The following NKAIN2 variants were observed in gnomAD, a reference collection of about 807,000 sequenced individuals.
NKAIN2 encodes the protein sodium/potassium-transporting ATPase subunit beta-1-interacting protein 2.
Under a neutral mutation model 32.6 loss-of-function variants are expected in NKAIN2, and 14 were observed. The ratio of observed to expected loss-of-function variants is 0.43; its 90% CI spans 0.28 to 0.67. NKAIN2 has a LOEUF of 0.67. NKAIN2 is among the 30% of genes least tolerant of loss of function. The pLI is 0.17. For synonymous variants in NKAIN2, 80 were observed against 87.2 expected (o/e 0.92, Z 0.46); for missense variants, 198 against 258.3 (o/e 0.77, Z 1.60).
chr6:124,557,630 C>A (rs1780525716), intron 3 of NKAIN2, among the ~76,000 whole-genome samples: 1 of 152,164 alleles, frequency 6.6e-6, no homozygotes, highest in Admixed American at 6.5e-5. Flanking sequence ...CACGTTTTCA[C>A]AGAATTCTGT....
intron 3 of NKAIN2, among the ~76,000 whole-genome samples, chr6:124,438,441 C>T (rs1775552847): frequency 6.6e-6 from 1 of 152,130 alleles, no homozygotes; most frequent in Non-Finnish European, 1.5e-5. Context: ...TTTGTTTATT[C>T]AACCTCTAAC....
intron 3 of NKAIN2, among the ~76,000 whole-genome samples, chr6:124,441,251 G>A (rs1775676025): frequency 6.6e-6 from 1 of 152,044 alleles, no homozygotes; most frequent in Non-Finnish European, 1.5e-5. Flanking sequence ...CTCTAGTTCT[G>A]CAGAGTTTCT....
intron 3 of NKAIN2, among the ~76,000 whole-genome samples, chr6:124,364,250 A>AAAAAAAAAGAGAG (rs3054409): frequency 7.2e-6 from 1 of 139,732 alleles, no homozygotes; most frequent in Non-Finnish European, 1.5e-5. Context: ...AAAAAAAAAA[A>AAAAAAAAAGAGAG]AGAGAGAAAA....
At chr6:124,457,609 C>T (rs1436665484) in intron 3 of NKAIN2, among the ~76,000 whole-genome samples, 5 of 151,900 alleles carry the variant, frequency 3.3e-5, no homozygotes, top group East Asian at 3.9e-4. Context: ...TTCTGGGAAC[C>T]GCATATGTTC....
chr6:124,206,931 T>C lies in NKAIN2; in HGVS notation c.55-76074T>C, dbSNP rs570218581. Reference sequence around the variant, plus strand: ...CAAAATACGGGATTAACATCTCATATCTCCTCTCTCCATTAAAAAGTTTAT... The same window carrying C: ...CAAAATACGGGATTAACATCTCATACCTCCTCTCTCCATTAAAAAGTTTAT... On this transcript the variant is annotated intron_variant, in intron 1 of 6. Transcript: ENST00000368417. Among the ~76,000 whole-genome samples the C allele has an allele frequency of 3.6e-4, 55 of 151,756 alleles. 1 individual carries two copies. Among genetic ancestry groups the C allele is most frequent in the African/African-American group, 1.1e-3 (47 of 41,430 alleles).
At chr6:123,851,225 T>C (rs908797935) in intron 1 of NKAIN2, among the ~76,000 whole-genome samples, 4 of 150,370 alleles carry the variant, frequency 2.7e-5, no homozygotes, top group Admixed American at 2.7e-4. Flanking sequence ...GGGGGATTGC[T>C]GGATCATATG....
Position 124,688,370 on chromosome 6 carries a change from C to T in NKAIN2, c.474+29984C>T, listed in dbSNP as rs115725281. ...TTAATAGCAAAATTGAAGAAAGGTA[C>T]AGAGAGTTCCCAAGTACCCCTGCCC... On this transcript the variant is annotated intron_variant, in intron 4 of 6. Transcript: ENST00000368417. 2.1e-3 allele frequency among the ~76,000 whole-genome samples: 320 copies of T among 152,046 alleles called. 2 individuals carry two copies. Among genetic ancestry groups the T allele is most frequent in the Middle Eastern group, 0.01 (3 of 294 alleles).
At chr6:124,278,267 C>G (rs1340871011) in intron 1 of NKAIN2, among the ~76,000 whole-genome samples, 1 of 152,088 alleles carries the variant, frequency 6.6e-6, no homozygotes, top group Non-Finnish European at 1.5e-5. Flanking sequence ...AGACTAAATC[C>G]TCTCCTATGA....
At chr6:124,204,207 G>A (rs1441326931) in intron 1 of NKAIN2, among the ~76,000 whole-genome samples, 1 of 151,806 alleles carries the variant, frequency 6.6e-6, no homozygotes, top group Non-Finnish European at 1.5e-5. Flanking sequence ...AGATAAATGA[G>A]ACATAAGACT....
At chr6:124,181,678 A>C (rs802292) in intron 1 of NKAIN2, among the ~76,000 whole-genome samples, 89,587 of 151,996 alleles carry the variant, frequency 0.59, 28,988 homozygotes, top group Non-Finnish European at 0.73. Flanking sequence ...GGACATGGGC[A>C]AAATGTTGCC....
At chr6:123,967,703 A>G (rs1235086007) in intron 1 of NKAIN2, among the ~76,000 whole-genome samples, 1 of 152,050 alleles carries the variant, frequency 6.6e-6, no homozygotes, top group African/African-American at 2.4e-5. Context: ...GAGTGTGTGT[A>G]TATATACACA....
intron 2 of NKAIN2, among the ~76,000 whole-genome samples, chr6:124,352,598 T>G (rs1398874537): frequency 6.6e-6 from 1 of 151,492 alleles, no homozygotes; most frequent in Non-Finnish European, 1.5e-5. Flanking sequence ...CAGCCATTGC[T>G]GAAGTCCTAG....
chr6:123,928,418 T>G (rs1776106515), intron 1 of NKAIN2, among the ~76,000 whole-genome samples: 2 of 152,162 alleles, frequency 1.3e-5, no homozygotes, highest in Admixed American at 6.5e-5. Context: ...AGTTGAAAAT[T>G]TTAAAAAATG....
rs568088495 is a variant in NKAIN2 at position 124,558,370 on chromosome 6, G to A, written c.274-99816G>A. The stretch of plus-strand genomic sequence containing the variant: ...CTTGTGGCAACATTTATAGATTCTA[G>A]GTTAGTCAGTCTCACCCCCGGACTC... On this transcript the variant is annotated intron_variant, in intron 3 of 6. Coordinates refer to ENST00000368417, the MANE Select transcript of NKAIN2 (RefSeq NM_001040214.3). Among the ~76,000 whole-genome samples the A allele has an allele frequency of 3.9e-5, 6 of 152,230 alleles. No homozygotes were observed. In the South Asian group the frequency reaches 1.0e-3, roughly 26 times the overall value.
intron 4 of NKAIN2, among the ~76,000 whole-genome samples, chr6:124,697,869 T>C (rs1466449544): frequency 6.6e-6 from 1 of 152,168 alleles, no homozygotes; most frequent in East Asian, 1.9e-4. Flanking sequence ...TGGCACCACA[T>C]AGACTTGAAA....
intron 4 of NKAIN2, among the ~76,000 whole-genome samples, chr6:124,697,059 C>A (rs1289403557): frequency 1.3e-5 from 2 of 152,020 alleles, no homozygotes; most frequent in East Asian, 1.9e-4. Context: ...AAATAAAAAT[C>A]ATAATATTAA....
intron 2 of NKAIN2, among the ~76,000 whole-genome samples, chr6:124,290,082 T>C (rs545423144): frequency 1.3e-5 from 2 of 152,130 alleles, no homozygotes; most frequent in Non-Finnish European, 2.9e-5. Context: ...ACAAGTTTAA[T>C]GGATTTAGCC....
intron 1 of NKAIN2, among the ~76,000 whole-genome samples, chr6:124,266,747 A>G (rs1388628166): frequency 6.6e-6 from 1 of 152,222 alleles, no homozygotes; most frequent in Non-Finnish European, 1.5e-5. Flanking sequence ...ATAAAATTGG[A>G]CAAGAGAGTA....
At chr6:124,303,263 G>A (rs1339242014) in intron 2 of NKAIN2, among the ~76,000 whole-genome samples, 1 of 152,142 alleles carries the variant, frequency 6.6e-6, no homozygotes, top group Non-Finnish European at 1.5e-5. Flanking sequence ...TATGCAAAGT[G>A]ACCCCCAAAA....
Sources: allele counts gnomAD v4.1 joint callset (sites outside exome capture counted in the v4.1 genomes callset), GRCh38; gene constraint gnomAD v4.1.1; transcripts MANE v1.5; gene names NCBI Gene and HGNC (gene_info 2026-07-23, HGNC 2026-07-21).